Variants in LOC131768270 observed in about 807,000 individuals in gnomAD.
chr5:140,567,841 C>G, the LOC131768270 span: 7 of 1,614,062 alleles, frequency 4.3e-6, no homozygotes, highest in South Asian at 4.4e-5. Context: ...ACCTCTTCCT[C>G]TACACTTTTG....
chr5:140,565,146 A>G, the LOC131768270 span: 4 of 371,684 alleles, frequency 1.1e-5, no homozygotes, highest in Non-Finnish European at 1.9e-5. Context: ...ACTTTACCCC[A>G]TTCCCTAGCT....
At chr5:140,565,649 T>A in the LOC131768270 span, 4 of 344,352 alleles carry the variant, frequency 1.2e-5, no homozygotes, top group African/African-American at 6.3e-5. Flanking sequence ...AAGGTTGATG[T>A]AAGTTACTGG....
the LOC131768270 span, chr5:140,567,211 C>G: frequency 6.2e-7 from 1 of 1,614,170 alleles, no homozygotes. Context: ...TGGGCCGTCC[C>G]AGGCAGGCCC....
At chr5:140,567,962 C>T in the LOC131768270 span, 1 of 1,614,194 alleles carries the variant, frequency 6.2e-7, no homozygotes, top group Non-Finnish European at 8.5e-7. Flanking sequence ...ACTAAATGGA[C>T]TGCTCATGTC....
chr5:140,565,742 T>A, the LOC131768270 span: 1 of 394,724 alleles, frequency 2.5e-6, no homozygotes, highest in African/African-American at 2.1e-5. Flanking sequence ...GCCACTGCCA[T>A]CTCAGGAAGC....
At chr5:140,567,321 C>T in the LOC131768270 span, 115 of 1,614,178 alleles carry the variant, frequency 7.1e-5, 2 homozygotes, top group South Asian at 1.1e-3. Context: ...TTCCGGCCCT[C>T]CTCAGCCGTG....
chr5:140,568,054 A>C, the LOC131768270 span: 1 of 1,614,014 alleles, frequency 6.2e-7, no homozygotes, highest in East Asian at 2.2e-5. Context: ...TGCTCTCAGC[A>C]GTCCTGCTAC....
chr5:140,565,835 TAGTC>T, the LOC131768270 span: 1 of 398,696 alleles, frequency 2.5e-6, no homozygotes, highest in Non-Finnish European at 4.4e-6. Context: ...GGGTGGGGCT[TAGTC>T]AGACTGCTGG....
At chr5:140,567,701 A>G in the LOC131768270 span, 2 of 1,614,078 alleles carry the variant, frequency 1.2e-6, no homozygotes, top group Non-Finnish European at 1.7e-6. Context: ...AGCTGCTGCC[A>G]GCCCCATGCC....
At chr5:140,568,291 A>C in the LOC131768270 span, 3 of 1,321,214 alleles carry the variant, frequency 2.3e-6, no homozygotes, top group Non-Finnish European at 3.1e-6. Context: ...CAGCCAGGTT[A>C]TTCTCTGGAG....
the LOC131768270 span, chr5:140,565,974 A>T: frequency 2.5e-6 from 1 of 398,806 alleles, no homozygotes; most frequent in South Asian, 1.3e-4. Context: ...TGGGCCAGGT[A>T]AGGACTGTCC....
chr5:140,566,051 A>T, the LOC131768270 span: 4 of 397,872 alleles, frequency 1.0e-5, no homozygotes, highest in Non-Finnish European at 1.8e-5. Flanking sequence ...GATGGTAGAG[A>T]TTTCTTCAGC....
At chr5:140,567,306 TGCCCTTCCG>T in the LOC131768270 span, 1 of 1,614,128 alleles carries the variant, frequency 6.2e-7, no homozygotes, top group Non-Finnish European at 8.5e-7. Context: ...GACGGCCGAG[TGCCCTTCCG>T]GCCCTCCTCA....
At chr5:140,564,902 C>T in the LOC131768270 span, 1 of 403,836 alleles carries the variant, frequency 2.5e-6, no homozygotes, top group Non-Finnish European at 4.4e-6. This position sits in a 1 kb window ranked among gnomAD's most constrained non-coding sequence, Gnocchi z 5.0. Context: ...GTGGTCTTCA[C>T]TCTCCTTGAC....
the LOC131768270 span, chr5:140,565,873 G>A: frequency 7.5e-6 from 3 of 398,830 alleles, no homozygotes; most frequent in Non-Finnish European, 1.3e-5. Flanking sequence ...CTTGTCCTAG[G>A]ATTCTCTGCC....
the LOC131768270 span, chr5:140,565,197 A>G: frequency 6.4e-5 from 20 of 314,474 alleles, no homozygotes; most frequent in Non-Finnish European, 1.2e-4. Flanking sequence ...TTCCAATCAC[A>G]CGGACACTCA....
At chr5:140,565,692 C>T in the LOC131768270 span, 1 of 381,330 alleles carries the variant, frequency 2.6e-6, no homozygotes. Flanking sequence ...CTTCCTGGCC[C>T]TCATTTGAAT....
At chr5:140,566,335 G>A in the LOC131768270 span, among the ~76,000 whole-genome samples, 2 of 152,140 alleles carry the variant, frequency 1.3e-5, no homozygotes, top group African/African-American at 4.8e-5. Flanking sequence ...CTTGTGTGGC[G>A]GTGGAGTTCT....
At chr5:140,568,256 G>A in the LOC131768270 span, 5 of 1,549,502 alleles carry the variant, frequency 3.2e-6, no homozygotes, top group Non-Finnish European at 4.4e-6. Flanking sequence ...CAAGTGCCTT[G>A]TGAGAAAAGC....
Sources: allele counts gnomAD v4.1 joint callset (sites outside exome capture counted in the v4.1 genomes callset), GRCh38; gene constraint gnomAD v4.1.1; non-coding constraint Gnocchi (gnomAD v3.1); transcripts MANE v1.5.